SPAST: variants seen among roughly 807,000 people sequenced by gnomAD.
The protein encoded by SPAST is spastic paraplegia 4 (autosomal dominant; spastin).
A neutral mutation model predicts 76.6 loss-of-function variants in SPAST; 30 were observed. That is an observed-to-expected ratio of 0.39 (90% CI 0.29 to 0.53). The LOEUF (loss-of-function observed/expected upper bound fraction) is 0.53. SPAST is among the 20% of genes least tolerant of loss of function. The probability of loss-of-function intolerance (pLI) is 0.68; values close to 1 mark genes in which losing one functional copy is unlikely to be tolerated. For missense variants in SPAST, 717 were observed against 770.5 expected, an observed-to-expected ratio of 0.93 and a Z score of 0.82; for synonymous variants, 305 against 281.0, an observed-to-expected ratio of 1.09 and a Z score of -0.86.
In SPAST at chr2:32,064,097, C is replaced by T; in HGVS notation, c.266C>T (p.Ala89Val). Residue 89 changes from alanine to valine, a missense_variant, in exon 1 of 17, where the codon GCC becomes GTC. Transcript: ENST00000315285. Reference protein sequence around the residue: ...CQRFSRALMAAKRSSGAAPAP... With the variant: ...CQRFSRALMAVKRSSGAAPAP... ...CGCTTCTCCCGCGCCCTCATGGCAG[C>T]CAAGAGGAGCTCCGGGGCCGCGCCA... 3 of 1,609,498 alleles carry T rather than the reference C, an allele frequency of 1.9e-6. No individual in the cohort carries two copies. Among genetic ancestry groups the T allele is most frequent in the Non-Finnish European group, 1.7e-6 (2 of 1,178,296 alleles).
chr2:32,117,425 G>T (rs779311112), intron 7 of SPAST, among the ~76,000 whole-genome samples: 6 of 151,372 alleles, frequency 4.0e-5, no homozygotes, highest in African/African-American at 1.5e-4. Flanking sequence ...AAATACCAAC[G>T]TGACAGTGAT....
At chr2:32,064,289 A>C in intron 1 of SPAST, 43 bp downstream of exon 1, 6 of 307,964 alleles carry the variant, frequency 1.9e-5, no homozygotes, top group Non-Finnish European at 2.6e-5. Flanking sequence ...GCCGGGAAGA[A>C]GGCGGTGGGG....
chr2:32,152,412 T>C (rs1680118424), intron 16 of SPAST, among the ~76,000 whole-genome samples: 1 of 151,882 alleles, frequency 6.6e-6, no homozygotes, highest in South Asian at 2.1e-4. Context: ...CTACAAAAAT[T>C]ACAAAAAGTT....
At chr2:32,147,344 GGTT>G (rs1679923074) in intron 16 of SPAST, 86 bp downstream of exon 16, 204 of 266,064 alleles carry the variant, frequency 7.7e-4, no homozygotes, top group South Asian at 2.7e-3. Context: ...GTGTGTGTGT[GGTT>G]TTTTTTTTTT....
At chr2:32,120,304 C>T (rs768873311) in intron 7 of SPAST, among the ~76,000 whole-genome samples, 1 of 152,094 alleles carries the variant, frequency 6.6e-6, no homozygotes, top group Non-Finnish European at 1.5e-5. Flanking sequence ...GAACCCTTAG[C>T]TCCATCATAC....
intron 9 of SPAST, among the ~76,000 whole-genome samples, chr2:32,131,913 A>G (rs527502464): frequency 1.3e-5 from 2 of 151,112 alleles, no homozygotes; most frequent in South Asian, 4.2e-4. Context: ...GCCCGCATCT[A>G]CCTCCCAAAG....
At chr2:32,134,786 C>T (rs1329070233) in intron 9 of SPAST, among the ~76,000 whole-genome samples, 1 of 152,156 alleles carries the variant, frequency 6.6e-6, no homozygotes, top group Non-Finnish European at 1.5e-5. Flanking sequence ...ACCTCCAACT[C>T]TCAGGTTCAA....
chr2:32,146,375 A>G (rs1250705921), intron 15 of SPAST, among the ~76,000 whole-genome samples: 1 of 151,678 alleles, frequency 6.6e-6, no homozygotes, highest in East Asian at 1.9e-4. Context: ...ACTGGGCAAC[A>G]TAGGGAGATC....
At chr2:32,088,667 G>C (rs928511306) in intron 2 of SPAST, among the ~76,000 whole-genome samples, 2 of 151,856 alleles carry the variant, frequency 1.3e-5, no homozygotes, top group African/African-American at 4.8e-5. Flanking sequence ...AAGCAAAACA[G>C]TATTTCATTT....
At position 32,128,445 on chromosome 2, in the gene SPAST, TTAATA is replaced by T. The variant is rs1553317032; in HGVS notation, c.1215_1219del (p.Asn405LysfsTer36). On this transcript the variant is annotated frameshift_variant, in exon 9 of 17. Coordinates refer to ENST00000315285, the MANE Select transcript of SPAST (RefSeq NM_014946.4). LOFTEE classifies it high-confidence loss of function. ...GCTGCAGAATCGAATGCAACCTTCT[TTAATA>T]TAAGTGCTGCAAGTTTAACTTCAAA... 2 of 1,612,856 alleles carry T rather than the reference TTAATA, an allele frequency of 1.2e-6. No individual in the cohort carries two copies. The highest frequency in any genetic ancestry group is 8.5e-7 in the Non-Finnish European group (1 of 1,178,906).
chr2:32,093,640 A>G (rs1158682496), intron 3 of SPAST, among the ~76,000 whole-genome samples: 2 of 152,156 alleles, frequency 1.3e-5, no homozygotes, highest in Non-Finnish European at 1.5e-5. Flanking sequence ...CTGTTGGAAT[A>G]TAAACTCTAT....
chr2:32,082,964 T>G (rs1024057153), intron 1 of SPAST, among the ~76,000 whole-genome samples: 16 of 152,232 alleles, frequency 1.1e-4, no homozygotes, highest in African/African-American at 3.9e-4. Flanking sequence ...TTGTTGTTGT[T>G]TAATTAATTA....
rs776121105 is a variant in SPAST at position 32,115,773 on chromosome 2, G to A, written c.942G>A (p.Leu314=). The A allele has an allele frequency of 3.4e-5, 54 of 1,611,782 alleles. No individual in the cohort carries two copies. Among genetic ancestry groups the A allele is most frequent in the Non-Finnish European group, 4.4e-5 (52 of 1,178,402 alleles). ...CTGCTACTCGTAAGAAAAAAGACTT[G>A]AAGAATTTTAGGAATGTGGACAGCA... The part of the protein sequence containing the change: ...PTTATRKKKD[L]KNFRNVDSNL... The change falls in exon 6 of 17, where the codon TTG becomes TTA. Residue 314 remains leucine, a synonymous_variant. Coordinates refer to ENST00000315285, the MANE Select transcript of SPAST (RefSeq NM_014946.4).
chr2:32,102,997 G>A (rs898703717), intron 4 of SPAST, among the ~76,000 whole-genome samples: 18 of 152,294 alleles, frequency 1.2e-4, no homozygotes, highest in Middle Eastern at 3.4e-3. Context: ...AGTTAGGGAG[G>A]ATTCCCTCTT....
Position 32,064,175 on chromosome 2 carries a change from G to T in SPAST, c.344G>T (p.Arg115Leu). ...PAPVPGGEAE[R>L]VRVFHKQAFE... ...CCGGTGCCGGGCGGCGAGGCCGAGC[G>T]CGTCCGAGTCTTCCACAAACAGGCC... The change falls in exon 1 of 17, where the codon CGC becomes CTC. Residue 115 changes from arginine (R) to leucine (L), a missense_variant. Transcript: ENST00000315285. 6.4e-7 allele frequency: 1 copy of T among 1,551,524 alleles called. No homozygotes were observed.
intron 3 of SPAST, among the ~76,000 whole-genome samples, chr2:32,093,840 C>T (rs1465461225): frequency 6.6e-6 from 1 of 151,938 alleles, no homozygotes; most frequent in Non-Finnish European, 1.5e-5. Flanking sequence ...TATATAACAG[C>T]CAGATACGCC....
intron 9 of SPAST, chr2:32,128,697 A>G: frequency 1.8e-6 from 1 of 543,806 alleles, no homozygotes; most frequent in South Asian, 2.1e-5. Flanking sequence ...GTAATAAAAT[A>G]CCGTAAACTG....
At chr2:32,082,182 T>G (rs1209046900) in intron 1 of SPAST, among the ~76,000 whole-genome samples, 1 of 150,518 alleles carries the variant, frequency 6.6e-6, no homozygotes, top group African/African-American at 2.4e-5. Context: ...TAGTAGAGAT[T>G]GGGTTTCATC....
At chr2:32,097,869 T>G (rs1386746148) in intron 3 of SPAST, among the ~76,000 whole-genome samples, 5 of 151,810 alleles carry the variant, frequency 3.3e-5, no homozygotes. Flanking sequence ...ACTTTTTTGT[T>G]TGTTTGTTTT....
Sources: gnomAD v4.1 joint callset for allele counts (sites outside exome capture counted in the v4.1 genomes callset) on GRCh38, gnomAD v4.1.1 for gene constraint, MANE v1.5 for transcripts, NCBI Gene and HGNC (gene_info 2026-07-23, HGNC 2026-07-21) for gene names.